DDX10: variants seen among roughly 807,000 people sequenced by gnomAD.
DDX10 encodes DEAD-box helicase 10.
A neutral mutation model predicts 104.3 loss-of-function variants in DDX10; 74 were observed. The observed-to-expected ratio is 0.71, with a 90% confidence interval of 0.59 to 0.86. The LOEUF (loss-of-function observed/expected upper bound fraction) is 0.86, where lower values mean the gene tolerates loss of function less well. Among genes scored for constraint, DDX10 ranks in the 40% least tolerant of loss-of-function variants. The pLI is 0.00. For missense variants in DDX10, 952 were observed against 1,040.0 expected, an observed-to-expected ratio of 0.92 and a Z score of 1.16; for synonymous variants, 351 against 353.4, an observed-to-expected ratio of 0.99 and a Z score of 0.08.
At chr11:108,684,148 T>C (rs2094239520) in intron 6 of DDX10, among the ~76,000 whole-genome samples, 2 of 139,906 alleles carry the variant, frequency 1.4e-5, no homozygotes, top group African/African-American at 5.2e-5. Flanking sequence ...GTTCTTTTTT[T>C]TTTTTTTTTT....
chr11:108,938,027 A>G lies in DDX10; in HGVS notation c.2451-2219A>G, dbSNP rs150660764. ...GCCCCAATTTTGAAGGAACCCCCTC[A>G]TTGTCAGTCATCTCAGGGACCTCCT... On this transcript the variant is annotated intron_variant, in intron 17 of 17. Coordinates refer to ENST00000322536, the MANE Select transcript of DDX10 (RefSeq NM_004398.4). 9.8e-3 allele frequency among the ~76,000 whole-genome samples: 1,497 copies of G among 152,268 alleles called. 24 individuals carry two copies. The highest frequency in any genetic ancestry group is 0.035 in the African/African-American group (1,434 of 41,556).
chr11:108,732,064 A>G (rs2094313010), intron 13 of DDX10, among the ~76,000 whole-genome samples: 1 of 152,192 alleles, frequency 6.6e-6, no homozygotes, highest in Admixed American at 6.5e-5. Flanking sequence ...TCTCTCTGGA[A>G]AAAGAAGATT....
At chr11:108,912,573 TGA>T (rs1269224160) in intron 16 of DDX10, among the ~76,000 whole-genome samples, 3 of 152,206 alleles carry the variant, frequency 2.0e-5, no homozygotes, top group Admixed American at 2.0e-4. Flanking sequence ...CTTACAGCAG[TGA>T]GTTTCCAGCC....
chr11:108,798,676 A>C (rs1341546582), intron 13 of DDX10, among the ~76,000 whole-genome samples: 1 of 151,734 alleles, frequency 6.6e-6, no homozygotes, highest in African/African-American at 2.4e-5. Flanking sequence ...GTTTGTTTTT[A>C]TTTTTTGTTT....
chr11:108,719,341 C>T (rs1015819765), intron 11 of DDX10, among the ~76,000 whole-genome samples: 1 of 152,074 alleles, frequency 6.6e-6, no homozygotes, highest in African/African-American at 2.4e-5. Context: ...TAGGTATCTA[C>T]ATGCATTCTT....
chr11:108,714,429 AT>A (rs918734138), intron 10 of DDX10, among the ~76,000 whole-genome samples: 10 of 150,854 alleles, frequency 6.6e-5, no homozygotes, highest in Admixed American at 4.6e-4. Flanking sequence ...AGAGTTTTAA[AT>A]TTTTTTTTCC....
intron 13 of DDX10, among the ~76,000 whole-genome samples, chr11:108,779,333 T>C (rs1005099450): frequency 3.9e-5 from 6 of 152,194 alleles, no homozygotes; most frequent in Admixed American, 2.6e-4. Flanking sequence ...GTGGCACATA[T>C]ACCCTATGGA....
intron 16 of DDX10, among the ~76,000 whole-genome samples, chr11:108,905,305 T>G: frequency 4.0e-5 from 1 of 25,080 alleles, no homozygotes; most frequent in Non-Finnish European, 1.8e-4. Flanking sequence ...TACTATTAGA[T>G]TGTTTAAGGG....
chr11:108,673,422 C>G lies in DDX10; in HGVS notation c.187-45C>G, dbSNP rs201722813. The G allele has an allele frequency of 2.3e-6, 3 of 1,312,470 alleles. No individual in the cohort carries two copies. The African/African-American group carries it at 4.4e-5, about 19-fold the overall frequency. 81.3% of individuals were successfully genotyped at this position (1,312,470 alleles called of 1,614,324 possible). The stretch of plus-strand genomic sequence containing the variant: ...CAATGTAGAGAAGAAATGGCTGTGT[C>G]GTGAAACAAATGAGTTACCCTGATT... On this transcript the variant is annotated intron_variant, in intron 1 of 17. Coordinates refer to ENST00000322536, the MANE Select transcript of DDX10 (RefSeq NM_004398.4).
intron 13 of DDX10, among the ~76,000 whole-genome samples, chr11:108,832,656 C>T (rs559998928): frequency 6.6e-6 from 1 of 152,350 alleles, no homozygotes; most frequent in East Asian, 1.9e-4. Flanking sequence ...TAATAATATA[C>T]TTAGCTGCAG....
chr11:108,705,266 C>G (rs1243345118), intron 9 of DDX10, among the ~76,000 whole-genome samples: 1 of 152,128 alleles, frequency 6.6e-6, no homozygotes, highest in Non-Finnish European at 1.5e-5. Context: ...TTTGTAGTAC[C>G]TTATTCTCTT....
chr11:108,665,083 C>A lies in DDX10; in HGVS notation c.-71C>A. On this transcript the variant is annotated 5_prime_UTR_variant, in exon 1 of 18. The change creates a new upstream start codon in the 5' untranslated region. Transcript: ENST00000322536. ...TGCGCCTCTGTGCGTTTGTCCCATG[C>A]TGGTTCCGTGAGTCTGGCCTTAGGT... is the stretch of plus-strand genomic sequence containing the variant. 1 of 1,472,284 alleles carries A rather than the reference C, an allele frequency of 6.8e-7. No homozygotes were observed. The highest frequency in any genetic ancestry group is 2.7e-5 in the Admixed American group (1 of 37,532). 91.2% of individuals were successfully genotyped at this position (1,472,284 alleles called of 1,614,324 possible).
At chr11:108,753,950 A>G (rs1238512998) in intron 13 of DDX10, among the ~76,000 whole-genome samples, 2 of 152,016 alleles carry the variant, frequency 1.3e-5, no homozygotes, top group African/African-American at 4.8e-5. Context: ...AGTAACATAT[A>G]TTACATTTAT....
At chr11:108,875,772 T>C (rs1863145843) in intron 16 of DDX10, among the ~76,000 whole-genome samples, 1 of 152,172 alleles carries the variant, frequency 6.6e-6, no homozygotes, top group East Asian at 1.9e-4. Context: ...ATTAGCTTCT[T>C]ACTACTGCCC....
At chr11:108,748,856 A>C (rs919624265) in intron 13 of DDX10, among the ~76,000 whole-genome samples, 2 of 151,838 alleles carry the variant, frequency 1.3e-5, no homozygotes, top group African/African-American at 4.8e-5. Flanking sequence ...AATGTTTTTA[A>C]ATGTTTTAAT....
At chr11:108,672,115 A>G (rs1004667101) in intron 1 of DDX10, among the ~76,000 whole-genome samples, 1 of 151,152 alleles carries the variant, frequency 6.6e-6, no homozygotes, top group African/African-American at 2.4e-5. Flanking sequence ...TTCTGTTGTA[A>G]TGCTTGATTG....
In DDX10 at chr11:108,689,969, A is replaced by G. The variant is rs534716125; in HGVS notation, c.975+907A>G. Reference sequence around the variant, plus strand: ...GGTGGCTCACGCCTGTAATCCCAGCACTTTAAGAGGCTGAGGTAGGAGGAT... The same window carrying G: ...GGTGGCTCACGCCTGTAATCCCAGCGCTTTAAGAGGCTGAGGTAGGAGGAT... On this transcript the variant is annotated intron_variant, in intron 7 of 17. Coordinates refer to ENST00000322536, the MANE Select transcript of DDX10 (RefSeq NM_004398.4). Among the ~76,000 whole-genome samples, 6 of 152,148 alleles carry G rather than the reference A, an allele frequency of 3.9e-5. 1 individual carries two copies. In the South Asian group the frequency reaches 1.2e-3, roughly 32 times the overall value.
chr11:108,867,321 AGTATTTTT>A (rs1271792325), intron 16 of DDX10, among the ~76,000 whole-genome samples: 1 of 152,182 alleles, frequency 6.6e-6, no homozygotes, highest in Non-Finnish European at 1.5e-5. Context: ...CTCATGTTTA[AGTATTTTT>A]GCATATGCAT....
intron 7 of DDX10, among the ~76,000 whole-genome samples, chr11:108,691,503 A>G: frequency 6.6e-6 from 1 of 152,172 alleles, no homozygotes; most frequent in South Asian, 2.1e-4. Flanking sequence ...TCTTGGTTTG[A>G]TCAGTTCTGT....
Sources: allele counts gnomAD v4.1 joint callset (sites outside exome capture counted in the v4.1 genomes callset), GRCh38; gene constraint gnomAD v4.1.1; transcripts MANE v1.5; gene names NCBI Gene and HGNC (gene_info 2026-07-23, HGNC 2026-07-21).